SMAD3: variants seen among roughly 807,000 people sequenced by gnomAD.
The protein encoded by SMAD3 is MAD homolog 3.
A neutral mutation model predicts 51.8 loss-of-function variants in SMAD3; 12 were observed. The ratio of observed to expected loss-of-function variants is 0.23; its 90% confidence interval spans 0.15 to 0.38. The LOEUF (loss-of-function observed/expected upper bound fraction) is 0.38, where lower values mean the gene tolerates loss of function less well. Among genes scored for constraint, SMAD3 ranks in the 10% least tolerant of loss-of-function variants. The pLI is 1.00. For synonymous variants in SMAD3, 238 were observed against 227.7 expected (o/e 1.05, Z -0.41); for missense variants, 294 against 565.6 (o/e 0.52, Z 4.87).
intron 5 of SMAD3, 65 bp downstream of exon 5, chr15:67,170,669 G>T (rs756801137): frequency 2.8e-5 from 40 of 1,411,642 alleles, no homozygotes; most frequent in Non-Finnish European, 3.7e-5. Flanking sequence ...AGTCGCCAGT[G>T]TGGGGAGGGG....
intron 1 of SMAD3, among the ~76,000 whole-genome samples, chr15:67,076,801 T>C (rs1960180452): frequency 6.6e-6 from 1 of 152,218 alleles, no homozygotes; most frequent in Non-Finnish European, 1.5e-5. Context: ...TTCCAAGTCC[T>C]GCGTGGGCCT....
rs1963331626 is a variant in SMAD3 at position 67,190,428 on chromosome 15, C to G, written c.1170C>G (p.Thr390=). 2 of 1,614,056 alleles carry G rather than the reference C, an allele frequency of 1.2e-6. No individual in the cohort carries two copies. The highest frequency in any genetic ancestry group is 1.7e-6 in the Non-Finnish European group (2 of 1,179,970). Residue 390 remains threonine (T), a synonymous_variant, in exon 9 of 9, where the codon ACC becomes ACG. Coordinates refer to ENST00000327367, the MANE Select transcript of SMAD3 (RefSeq NM_005902.4). ...TTTCTTACAGGAGACAGACTGTGAC[C>G]AGTACCCCCTGCTGGATTGAGCTGC... is the stretch of plus-strand genomic sequence containing the variant. ...WGAEYRRQTV[T]STPCWIELHL...
At chr15:67,148,444 T>C (rs561207541) in intron 1 of SMAD3, among the ~76,000 whole-genome samples, 1 of 152,218 alleles carries the variant, frequency 6.6e-6, no homozygotes, top group South Asian at 2.1e-4. Flanking sequence ...AGCAAGTTTA[T>C]TGCAAATCGC....
At chr15:67,068,684 G>A (rs1211726530) in intron 1 of SMAD3, among the ~76,000 whole-genome samples, 4 of 152,046 alleles carry the variant, frequency 2.6e-5, no homozygotes, top group Admixed American at 1.3e-4. Flanking sequence ...AGTTGCTTGG[G>A]TGGATCCAGA....
intron 1 of SMAD3, among the ~76,000 whole-genome samples, chr15:67,126,385 G>A (rs1961387876): frequency 6.6e-6 from 1 of 152,082 alleles, no homozygotes; most frequent in Non-Finnish European, 1.5e-5. Context: ...CAGTCTCCTA[G>A]CCCGTTACCA....
intron 7 of SMAD3, among the ~76,000 whole-genome samples, chr15:67,185,741 G>T (rs771351904): frequency 3.9e-5 from 6 of 152,044 alleles, no homozygotes; most frequent in South Asian, 2.1e-4. Context: ...CCCATCTAAG[G>T]CCTCTTTCCT....
rs1046466773 is a variant in SMAD3, at chr15:67,083,646, A to G, written c.206+17286A>G. Among the ~76,000 whole-genome samples, 3 of 152,282 alleles carry G rather than the reference A, an allele frequency of 2.0e-5. No individual in the cohort carries two copies. The South Asian group carries it at 6.2e-4, about 32-fold the overall frequency. On this transcript the variant is annotated intron_variant, in intron 1 of 8. Transcript: ENST00000327367. ...CTCTCCCTGGGTTTCGTGTGCTTTC[A>G]ATGTGGGGATATCTTCCAGATCTGC... is the stretch of plus-strand genomic sequence containing the variant.
intron 1 of SMAD3, among the ~76,000 whole-genome samples, chr15:67,079,275 G>GC (rs1960233717): frequency 6.6e-6 from 1 of 151,924 alleles, no homozygotes; most frequent in East Asian, 1.9e-4. Context: ...ACCGCACCTC[G>GC]CCCCCCGCAT....
intron 3 of SMAD3, 122 bp downstream of exon 3, chr15:67,165,506 AG>A: frequency 8.1e-7 from 1 of 1,227,410 alleles, no homozygotes; most frequent in Admixed American, 1.9e-5. Context: ...CTTTGCGCAC[AG>A]CTCTGGCCTG....
chr15:67,136,711 A>G (rs954775010), intron 1 of SMAD3, among the ~76,000 whole-genome samples: 2 of 152,232 alleles, frequency 1.3e-5, no homozygotes, highest in African/African-American at 2.4e-5. Context: ...ACTGTAATAT[A>G]TAATTATTGT....
In SMAD3 at chr15:67,191,034, A is replaced by ACCCCCCCCCCCC; in HGVS notation, c.*498_*499insCCCCCCCCCCCC. 4.9e-6 allele frequency: 1 copy of ACCCCCCCCCCCC among 205,966 alleles called. No individual in the cohort carries two copies. The highest frequency in any genetic ancestry group is 9.7e-6 in the Non-Finnish European group (1 of 103,444). The allele number at this position is 205,966 out of a possible 1,614,324, so 12.8% of individuals were successfully genotyped here. A position where few individuals can be genotyped will look rare whatever the true frequency, so the allele number is the denominator to read the frequency against. On this transcript the variant is annotated 3_prime_UTR_variant, in exon 9 of 9. Transcript: ENST00000327367. ...CTCTTCCAGTGAACATTCCCAGCCC[A>ACCCCCCCCCCCC]GCCCCGCCCCGCCCCGCCCCACCAC...
In SMAD3 at chr15:67,116,518, C is replaced by T. The variant is rs867812524; in HGVS notation, c.207-48377C>T. ...TGGACGTTGTCTCAATAATGACTGA[C>T]GTGCTGAGCAAGTACCTGGCTGGAG... On this transcript the variant is annotated intron_variant, in intron 1 of 8. Coordinates refer to ENST00000327367, the MANE Select transcript of SMAD3 (RefSeq NM_005902.4). 7.9e-5 allele frequency among the ~76,000 whole-genome samples: 12 copies of T among 152,158 alleles called. 1 individual carries two copies. Among genetic ancestry groups the T allele is most frequent in the South Asian group, 2.1e-4 (1 of 4,828 alleles).
At chr15:67,085,510 A>G (rs1960368578) in intron 1 of SMAD3, among the ~76,000 whole-genome samples, 1 of 152,178 alleles carries the variant, frequency 6.6e-6, no homozygotes, top group Admixed American at 6.5e-5. Context: ...CTGGACTAGA[A>G]ATGGGGGCCT....
At chr15:67,167,864 G>A (rs932973583) in intron 4 of SMAD3, among the ~76,000 whole-genome samples, 1 of 152,324 alleles carries the variant, frequency 6.6e-6, no homozygotes, top group East Asian at 1.9e-4. Flanking sequence ...GTTCCATTCC[G>A]ATGGTGGTGG....
chr15:67,111,742 C>T (rs1595905612), intron 1 of SMAD3, among the ~76,000 whole-genome samples: 1 of 152,264 alleles, frequency 6.6e-6, no homozygotes, highest in Admixed American at 6.5e-5. Flanking sequence ...TCCCTATTGG[C>T]TAATGATATT....
At chr15:67,077,652 C>T (rs78341835) in intron 1 of SMAD3, among the ~76,000 whole-genome samples, 1,878 of 152,268 alleles carry the variant, frequency 0.012, 25 homozygotes, top group South Asian at 0.055. Flanking sequence ...AAGAACAGGT[C>T]TATTTCTGGA....
intron 3 of SMAD3, 110 bp downstream of exon 3, chr15:67,165,494 C>T (rs1393615261): frequency 2.0e-5 from 27 of 1,339,400 alleles, no homozygotes; most frequent in Non-Finnish European, 2.8e-5. Flanking sequence ...CGCTCACCCC[C>T]TCTTTGCGCA....
At chr15:67,107,461 A>G (rs1045193459) in intron 1 of SMAD3, among the ~76,000 whole-genome samples, 1 of 152,074 alleles carries the variant, frequency 6.6e-6, no homozygotes, top group African/African-American at 2.4e-5. Context: ...CCTTGTTGCC[A>G]TGCCCTCCTG....
chr15:67,066,437 TGGAGATGG>T, intron 1 of SMAD3, 77 bp downstream of exon 1: 1 of 1,187,092 alleles, frequency 8.4e-7, no homozygotes, highest in Non-Finnish European at 1.2e-6. Flanking sequence ...CCAGTGGGGC[TGGAGATGG>T]GAAGAGGGAG....
Sources: gnomAD v4.1 joint callset for allele counts (sites outside exome capture counted in the v4.1 genomes callset) on GRCh38, gnomAD v4.1.1 for gene constraint, MANE v1.5 for transcripts, NCBI Gene and HGNC (gene_info 2026-07-23, HGNC 2026-07-21) for gene names.